Variants in KCND2 observed in about 807,000 individuals in gnomAD.
KCND2 encodes potassium voltage-gated channel subfamily D member 2, also known as A-type voltage-gated potassium channel KCND2.
In KCND2, 16 loss-of-function variants were observed where a neutral mutation model predicts 54.4. The ratio of observed to expected loss-of-function variants is 0.29; its 90% CI spans 0.20 to 0.45. The LOEUF (loss-of-function observed/expected upper bound fraction) is 0.45, where lower values mean the gene tolerates loss of function less well. KCND2 is among the 20% of genes least tolerant of loss of function. KCND2 has a pLI of 1.00. For missense variants in KCND2, 486 were observed against 824.2 expected (o/e 0.59, Z 5.02); for synonymous variants, 317 against 310.7 (o/e 1.02, Z -0.21).
intron 1 of KCND2, among the ~76,000 whole-genome samples, chr7:120,729,825 T>C (rs1792782918): frequency 6.6e-6 from 1 of 152,176 alleles, no homozygotes; most frequent in South Asian, 2.1e-4. Flanking sequence ...AAAAAATAAA[T>C]ATTTTATTTG....
chr7:120,742,141 A>T (rs1226606911), intron 3 of KCND2, among the ~76,000 whole-genome samples: 1 of 152,148 alleles, frequency 6.6e-6, no homozygotes, highest in Non-Finnish European at 1.5e-5. Context: ...TCCAATCTTT[A>T]CTTACAAAAT....
chr7:120,666,302 A>G (rs983073722), intron 1 of KCND2, among the ~76,000 whole-genome samples: 1 of 152,048 alleles, frequency 6.6e-6, no homozygotes, highest in African/African-American at 2.4e-5. Context: ...CACAATCAGC[A>G]AGGAGAAATA....
intron 1 of KCND2, among the ~76,000 whole-genome samples, chr7:120,559,301 G>A (rs192219025): frequency 3.3e-5 from 5 of 152,240 alleles, no homozygotes; most frequent in East Asian, 1.9e-4. Context: ...AGAATTAGCC[G>A]AGTGTGTTGT....
intron 1 of KCND2, among the ~76,000 whole-genome samples, chr7:120,311,174 G>C (rs1315986178): frequency 6.6e-6 from 1 of 152,102 alleles, no homozygotes; most frequent in Admixed American, 6.6e-5. Flanking sequence ...TTAACAGAGT[G>C]TAGACATATG....
chr7:120,335,023 C>T (rs1281506374), intron 1 of KCND2, among the ~76,000 whole-genome samples: 10 of 152,042 alleles, frequency 6.6e-5, no homozygotes, highest in African/African-American at 1.2e-4. Flanking sequence ...AAGTCTTACT[C>T]GCATCCCCAC....
At chr7:120,732,819 C>A in intron 1 of KCND2, 84 bp from the exon 2 acceptor site, 1 of 1,159,714 alleles carries the variant, frequency 8.6e-7, no homozygotes, top group Non-Finnish European at 1.3e-6. Context: ...AATCATTTGA[C>A]TTAAAGGAAA....
intron 3 of KCND2, chr7:120,742,260 T>C (rs972046931): frequency 4.4e-6 from 2 of 458,584 alleles, no homozygotes; most frequent in Admixed American, 6.9e-5. Context: ...TAGTTGCTAG[T>C]TGAATGAGTA....
intron 1 of KCND2, among the ~76,000 whole-genome samples, chr7:120,458,877 A>G (rs1408746947): frequency 6.6e-6 from 1 of 150,636 alleles, no homozygotes; most frequent in Non-Finnish European, 1.5e-5. Context: ...TATTATTATT[A>G]TGGAAAGACA....
At chr7:120,678,121 C>T (rs1792089350) in intron 1 of KCND2, among the ~76,000 whole-genome samples, 1 of 151,740 alleles carries the variant, frequency 6.6e-6, no homozygotes, top group Non-Finnish European at 1.5e-5. Flanking sequence ...GAACAGAATA[C>T]ATTCACTGTG....
intron 1 of KCND2, among the ~76,000 whole-genome samples, chr7:120,726,227 G>A (rs1792732241): frequency 6.6e-6 from 1 of 152,054 alleles, no homozygotes; most frequent in African/African-American, 2.4e-5. Flanking sequence ...GGCAAATATC[G>A]ATTTTAAAAT....
intron 1 of KCND2, among the ~76,000 whole-genome samples, chr7:120,502,387 G>A (rs528512067): frequency 3.3e-5 from 5 of 152,032 alleles, no homozygotes; most frequent in Admixed American, 3.3e-4. Context: ...AGAGGGGAGG[G>A]GTAGGACAGT....
At chr7:120,621,918 C>G (rs1490278375) in intron 1 of KCND2, among the ~76,000 whole-genome samples, 3 of 151,898 alleles carry the variant, frequency 2.0e-5, no homozygotes, top group Non-Finnish European at 2.9e-5. Flanking sequence ...CCAGGTACCC[C>G]TGATAGGTCT....
intron 1 of KCND2, among the ~76,000 whole-genome samples, chr7:120,425,721 C>T (rs1020887535): frequency 1.3e-5 from 2 of 152,356 alleles, no homozygotes; most frequent in South Asian, 2.1e-4. Context: ...CTGCACCATT[C>T]GTTGAAGTGA....
intron 1 of KCND2, among the ~76,000 whole-genome samples, chr7:120,536,816 A>G (rs1352331113): frequency 6.6e-6 from 1 of 152,196 alleles, no homozygotes; most frequent in Non-Finnish European, 1.5e-5. Context: ...TGAACTCCTC[A>G]AAGTCACCCA....
intron 1 of KCND2, among the ~76,000 whole-genome samples, chr7:120,531,547 C>G (rs1470756322): frequency 6.6e-6 from 1 of 152,086 alleles, no homozygotes. Flanking sequence ...AGCTGCCACC[C>G]TTTATAGAGA....
At chr7:120,624,092 A>G (rs1793135713) in intron 1 of KCND2, among the ~76,000 whole-genome samples, 1 of 152,214 alleles carries the variant, frequency 6.6e-6, no homozygotes, top group African/African-American at 2.4e-5. Flanking sequence ...AATGGCAAAG[A>G]AAAAAATGAA....
At chr7:120,394,025 T>C (rs913890197) in intron 1 of KCND2, among the ~76,000 whole-genome samples, 6 of 152,056 alleles carry the variant, frequency 3.9e-5, no homozygotes, top group African/African-American at 1.4e-4. Context: ...TGTACCATAA[T>C]GAATTTATGT....
intron 1 of KCND2, among the ~76,000 whole-genome samples, chr7:120,549,047 G>A (rs1479006704): frequency 6.6e-6 from 1 of 152,006 alleles, no homozygotes; most frequent in Admixed American, 6.6e-5. Context: ...CTCTGATGTA[G>A]GAATTGAATC....
At chr7:120,610,852 G>A (rs1459307334) in intron 1 of KCND2, among the ~76,000 whole-genome samples, 1 of 152,060 alleles carries the variant, frequency 6.6e-6, no homozygotes, top group Non-Finnish European at 1.5e-5. Flanking sequence ...TTTATTGCTT[G>A]GTAATGCAGA....
Sources: allele counts gnomAD v4.1 joint callset (sites outside exome capture counted in the v4.1 genomes callset), GRCh38; gene constraint gnomAD v4.1.1; transcripts MANE v1.5; gene names NCBI Gene and HGNC (gene_info 2026-07-23, HGNC 2026-07-21).